The following GFOD1 variants were observed in gnomAD, a reference collection of about 807,000 sequenced individuals.
The protein encoded by GFOD1 is Gfo/Idh/MocA-like oxidoreductase domain containing 1, also known as glucose-fructose oxidoreductase domain-containing protein 1.
Under a neutral mutation model 25.4 loss-of-function variants are expected in GFOD1, and 9 were observed. The observed-to-expected ratio is 0.35, with a 90% CI of 0.21 to 0.62. The LOEUF is 0.62. Among genes scored for constraint, GFOD1 ranks in the 20% least tolerant of loss-of-function variants. The pLI is 0.72. For synonymous variants in GFOD1, 253 were observed against 245.6 expected (o/e 1.03, Z -0.28); for missense variants, 403 against 556.9 (o/e 0.72, Z 2.78).
intron 1 of GFOD1, among the ~76,000 whole-genome samples, chr6:13,448,821 C>G (rs1414828341): frequency 6.6e-6 from 1 of 152,148 alleles, no homozygotes; most frequent in African/African-American, 2.4e-5. Flanking sequence ...GCTGTACCTC[C>G]TGAGATGCTC....
chr6:13,365,016 C>T lies in GFOD1; in HGVS notation c.900G>A (p.Ser300=), dbSNP rs974380914. Reference sequence around the variant, plus strand: ...TCTTGATGGTGCCGCGCAGGTAGGGCGAGGGGATGTCGCTGAAGGCCTTCT... The same window carrying T: ...TCTTGATGGTGCCGCGCAGGTAGGGTGAGGGGATGTCGCTGAAGGCCTTCT... ...LPEKAFSDIP[S]PYLRGTIKMM... The change falls in exon 2 of 2, where the codon TCG becomes TCA. Residue 300 remains serine (S), a synonymous_variant. Transcript: ENST00000379287. This position sits in a 1 kb window ranked among gnomAD's most constrained non-coding sequence, Gnocchi z 9.2. 6 of 1,610,088 alleles carry T rather than the reference C, an allele frequency of 3.7e-6. No homozygotes were observed. The highest frequency in any genetic ancestry group is 5.1e-6 in the Non-Finnish European group (6 of 1,179,924).
chr6:13,480,004 G>A (rs533665667), intron 1 of GFOD1, among the ~76,000 whole-genome samples: 32 of 152,242 alleles, frequency 2.1e-4, no homozygotes, highest in African/African-American at 7.0e-4. Flanking sequence ...CCTTATTTCC[G>A]CTGGCGTGGC....
chr6:13,371,086 G>A (rs1785141754), intron 1 of GFOD1, among the ~76,000 whole-genome samples: 1 of 152,354 alleles, frequency 6.6e-6, no homozygotes, highest in Admixed American at 6.5e-5. Flanking sequence ...AGTAGAGGCA[G>A]TCTTGCACTC....
intron 1 of GFOD1, among the ~76,000 whole-genome samples, chr6:13,439,714 C>A (rs1003962615): frequency 6.6e-6 from 1 of 152,174 alleles, no homozygotes. Context: ...ATAATACTAT[C>A]CCCAATTTCT....
intron 1 of GFOD1, among the ~76,000 whole-genome samples, chr6:13,398,278 T>C (rs957846356): frequency 7.6e-5 from 11 of 143,800 alleles, no homozygotes; most frequent in African/African-American, 2.4e-4. Context: ...GTTAACAGCA[T>C]TCACAGACAC....
intron 1 of GFOD1, chr6:13,470,708 T>C: frequency 7.0e-7 from 1 of 1,437,978 alleles, no homozygotes; most frequent in Non-Finnish European, 9.1e-7. Context: ...TTCATATTCA[T>C]GTGGGAGATA....
chr6:13,456,713 C>T (rs1758195879), intron 1 of GFOD1, among the ~76,000 whole-genome samples: 1 of 152,196 alleles, frequency 6.6e-6, no homozygotes. Context: ...CCTCCTAGGG[C>T]TGCACCATAT....
intron 1 of GFOD1, among the ~76,000 whole-genome samples, chr6:13,455,491 G>GA (rs1403409777): frequency 6.6e-6 from 1 of 152,138 alleles, no homozygotes; most frequent in Non-Finnish European, 1.5e-5. Flanking sequence ...ATTCTAAAGA[G>GA]AAAATCCTAT....
At chr6:13,470,046 C>T (rs142631345) in intron 1 of GFOD1, 11 of 1,375,386 alleles carry the variant, frequency 8.0e-6, no homozygotes, top group Non-Finnish European at 1.1e-5. Context: ...TATTTCCTTA[C>T]ACATTGTAGC....
intron 1 of GFOD1, among the ~76,000 whole-genome samples, chr6:13,473,075 CAG>C (rs1338575643): frequency 6.6e-6 from 1 of 152,050 alleles, no homozygotes; most frequent in Non-Finnish European, 1.5e-5. Context: ...GACACAAATC[CAG>C]AGTTTGTAGC....
rs974394076 is a variant in GFOD1, at chr6:13,486,852, C to G, written c.39G>C (p.Thr13=). ...TCAGCAGCGGGATGATGACACGGGC[C>G]GTGAGGCTGGTGCCGAACACGCCCA... is the stretch of plus-strand genomic sequence containing the variant. The part of the protein sequence containing the change: ...PGVGVFGTSL[T]ARVIIPLLKD... Residue 13 remains threonine, a synonymous_variant, in exon 1 of 2, where the codon ACG becomes ACC. Coordinates refer to ENST00000379287, the MANE Select transcript of GFOD1 (RefSeq NM_018988.4). The G allele has an allele frequency of 1.2e-6, 2 of 1,612,858 alleles. No homozygotes were observed. Among genetic ancestry groups the G allele is most frequent in the Middle Eastern group, 1.7e-4 (1 of 6,058 alleles).
chr6:13,384,499 T>C (rs1357263009), intron 1 of GFOD1, among the ~76,000 whole-genome samples: 6 of 152,222 alleles, frequency 3.9e-5, no homozygotes, highest in Admixed American at 3.3e-4. Context: ...ACCATAATTA[T>C]AAGTTCCTGA....
intron 1 of GFOD1, chr6:13,469,407 G>A (rs1016370091): frequency 2.0e-6 from 2 of 985,350 alleles, no homozygotes; most frequent in African/African-American, 3.5e-5. Context: ...CAGTCCCCAG[G>A]CTATTGTCTC....
chr6:13,447,973 A>T (rs1758034134), intron 1 of GFOD1, among the ~76,000 whole-genome samples: 1 of 150,556 alleles, frequency 6.6e-6, no homozygotes, highest in South Asian at 2.1e-4. Flanking sequence ...CAGTGGAGAG[A>T]ATGGAGGTGG....
chr6:13,469,965 G>A (rs1184123877), intron 1 of GFOD1: 4 of 1,307,388 alleles, frequency 3.1e-6, no homozygotes, highest in Admixed American at 2.3e-5. Context: ...CTGGATAGAT[G>A]ATGAGTTCTC....
intron 1 of GFOD1, among the ~76,000 whole-genome samples, chr6:13,441,240 C>T (rs145908401): frequency 1.3e-5 from 2 of 152,274 alleles, no homozygotes; most frequent in East Asian, 3.9e-4. Context: ...GGACATCTGC[C>T]CTTCTTCATC....
chr6:13,384,142 A>C (rs1347680431), intron 1 of GFOD1, among the ~76,000 whole-genome samples: 1 of 152,134 alleles, frequency 6.6e-6, no homozygotes, highest in Non-Finnish European at 1.5e-5. Flanking sequence ...CAGGAGAATC[A>C]CTTGAACCCG....
chr6:13,428,398 G>A (rs1358445019), intron 1 of GFOD1, among the ~76,000 whole-genome samples: 3 of 152,292 alleles, frequency 2.0e-5, no homozygotes, highest in Admixed American at 6.5e-5. Flanking sequence ...AGAAGGATGC[G>A]AAAGCCGAGG....
At position 13,430,873 on chromosome 6, in the gene GFOD1, C is replaced by T. The variant is rs1028981736; in HGVS notation, c.253+55765G>A. On this transcript the variant is annotated intron_variant, in intron 1 of 1. Transcript: ENST00000379287. This position sits in a 1 kb window ranked among gnomAD's most constrained non-coding sequence, Gnocchi z 4.1. ...TCAGGATACCTACCTGAGGACACTC[C>T]ATCTCCAACTTTTCAGGTAACCTTC... Among the ~76,000 whole-genome samples the T allele has an allele frequency of 4.6e-5, 7 of 152,168 alleles. No homozygotes were observed. The highest frequency in any genetic ancestry group is 3.3e-4 in the Admixed American group (5 of 15,288).
Sources: allele counts gnomAD v4.1 joint callset (sites outside exome capture counted in the v4.1 genomes callset), GRCh38; gene constraint gnomAD v4.1.1; non-coding constraint Gnocchi (gnomAD v3.1); transcripts MANE v1.5; gene names NCBI Gene and HGNC (gene_info 2026-07-23, HGNC 2026-07-21).